MINDY4: variants seen among roughly 807,000 people sequenced by gnomAD.
MINDY4 encodes probable ubiquitin carboxyl-terminal hydrolase MINDY-4.
A neutral mutation model predicts 87.0 loss-of-function variants in MINDY4; 68 were observed. That is an observed-to-expected ratio of 0.78 (90% CI 0.64 to 0.96). MINDY4 has a LOEUF of 0.96. Ranked by LOEUF, MINDY4 falls within the 40% of genes least tolerant of loss-of-function variation. The probability of loss-of-function intolerance (pLI) is 0.00; values close to 1 mark genes in which losing one functional copy is unlikely to be tolerated. For synonymous variants in MINDY4, 379 were observed against 363.2 expected, an observed-to-expected ratio of 1.04 and a Z score of -0.50; for missense variants, 919 against 928.2, an observed-to-expected ratio of 0.99 and a Z score of 0.13.
intron 14 of MINDY4, among the ~76,000 whole-genome samples, chr7:30,875,240 G>A (rs187679422): frequency 6.6e-6 from 1 of 152,242 alleles, no homozygotes; most frequent in East Asian, 1.9e-4. Flanking sequence ...ACAGGGTCCT[G>A]TGAATGGTTG....
intron 1 of MINDY4, among the ~76,000 whole-genome samples, chr7:30,774,299 G>T (rs142542679): frequency 2.5e-4 from 38 of 152,308 alleles, no homozygotes; most frequent in African/African-American, 7.7e-4. Flanking sequence ...CATTCACTCT[G>T]CTCTCTTTAG....
chr7:30,824,109 TG>T (rs1788424279), intron 5 of MINDY4, among the ~76,000 whole-genome samples: 1 of 152,202 alleles, frequency 6.6e-6, no homozygotes, highest in African/African-American at 2.4e-5. Context: ...CTGAGTAGTT[TG>T]TAAGGAAACA....
intron 4 of MINDY4, among the ~76,000 whole-genome samples, chr7:30,787,277 T>G (rs976055750): frequency 6.6e-6 from 1 of 152,202 alleles, no homozygotes; most frequent in South Asian, 2.1e-4. Context: ...GGCCACATCT[T>G]GATGTCATAC....
chr7:30,823,677 A>G (rs1456914132), intron 5 of MINDY4, among the ~76,000 whole-genome samples: 2 of 152,166 alleles, frequency 1.3e-5, no homozygotes, highest in African/African-American at 4.8e-5. Flanking sequence ...TCTAATTTAC[A>G]GCCTCTCTGA....
At chr7:30,873,782 A>G (rs900885291) in intron 14 of MINDY4, among the ~76,000 whole-genome samples, 1 of 152,024 alleles carries the variant, frequency 6.6e-6, no homozygotes, top group Admixed American at 6.5e-5. Flanking sequence ...CTCTTGAAAA[A>G]CCAGATGGGA....
At chr7:30,782,369 T>A (rs1405702810) in intron 3 of MINDY4, among the ~76,000 whole-genome samples, 157 bp downstream of exon 3, 1 of 146,466 alleles carries the variant, frequency 6.8e-6, no homozygotes, top group Admixed American at 6.9e-5. Flanking sequence ...TGTGTGTGTG[T>A]GTGCATGTAT....
At chr7:30,862,461 G>A (rs547657154) in intron 13 of MINDY4, among the ~76,000 whole-genome samples, 40 of 152,342 alleles carry the variant, frequency 2.6e-4, no homozygotes, top group African/African-American at 8.9e-4. Flanking sequence ...GCACTCCAGC[G>A]GCGCTCCCTG....
chr7:30,865,863 T>C (rs62449124), intron 13 of MINDY4, among the ~76,000 whole-genome samples: 8,029 of 152,312 alleles, frequency 0.053, 345 homozygotes, highest in Middle Eastern at 0.075. Flanking sequence ...TCGTCTTCCC[T>C]GGACTGTGGG....
rs768342580 is a variant in MINDY4 at position 30,859,246 on chromosome 7, C to G, written c.1678-11C>G. 6.2e-7 allele frequency: 1 copy of G among 1,610,572 alleles called. No homozygotes were observed. The highest frequency in any genetic ancestry group is 1.1e-5 in the South Asian group (1 of 91,068). ...AATGGGATGGAGCTCATTTTTCTCT[C>G]CCCCTCCCAGTTTGAAGTGGGCCCC... On this transcript the variant is annotated splice_polypyrimidine_tract_variant and intron_variant, in intron 12 of 17. Transcript: ENST00000265299.
chr7:30,801,767 C>T (rs1349752589), intron 5 of MINDY4, among the ~76,000 whole-genome samples: 1 of 152,130 alleles, frequency 6.6e-6, no homozygotes, highest in Admixed American at 6.5e-5. Context: ...TGATCTGATG[C>T]GTCTGCAGAG....
Position 30,791,717 on chromosome 7 carries a change from AG to A in MINDY4, c.1073+144del, listed in dbSNP as rs1787330005. ...GCCTGCGAAGTAACCGGCAAGGTAGAGTTTGTTATGGTCAACCAGGAAGAAA... is the reference window on the plus strand; with the variant it reads ...GCCTGCGAAGTAACCGGCAAGGTAGATTTGTTATGGTCAACCAGGAAGAAA... On this transcript the variant is annotated intron_variant, in intron 5 of 17. Coordinates refer to ENST00000265299, the MANE Select transcript of MINDY4 (RefSeq NM_032222.3). 5 of 904,650 alleles carry A rather than the reference AG, an allele frequency of 5.5e-6. No individual in the cohort carries two copies. In the East Asian group the frequency reaches 1.1e-4, roughly 19 times the overall value. The allele number at this position is 904,650 out of a possible 1,614,324, so 56.0% of individuals were successfully genotyped here.
chr7:30,876,093 C>T (rs749533361), intron 15 of MINDY4, among the ~76,000 whole-genome samples: 11 of 152,010 alleles, frequency 7.2e-5, no homozygotes, highest in Non-Finnish European at 1.3e-4. Context: ...GCTGGAAGTC[C>T]AAGATCAAGG....
intron 5 of MINDY4, among the ~76,000 whole-genome samples, chr7:30,814,096 G>A (rs1285760937): frequency 3.3e-5 from 5 of 152,334 alleles, no homozygotes; most frequent in Admixed American, 3.3e-4. Context: ...AGGTTCAGAA[G>A]CAGAGTCAGA....
intron 12 of MINDY4, chr7:30,858,603 A>G (rs1374150850): frequency 6.6e-6 from 1 of 152,112 alleles, no homozygotes; most frequent in African/African-American, 2.4e-5. Flanking sequence ...ATCAGAGTTT[A>G]TCAGAAAAAT....
intron 5 of MINDY4, among the ~76,000 whole-genome samples, chr7:30,820,715 T>C (rs946687726): frequency 2.0e-5 from 3 of 152,246 alleles, no homozygotes; most frequent in East Asian, 1.9e-4. Context: ...TGTATGGATA[T>C]ATAACATTTT....
At chr7:30,841,155 C>T (rs1257675717) in intron 9 of MINDY4, among the ~76,000 whole-genome samples, 3 of 152,220 alleles carry the variant, frequency 2.0e-5, no homozygotes, top group Non-Finnish European at 2.9e-5. Flanking sequence ...CTTCCACCCA[C>T]CAGGTCGACC....
At chr7:30,816,113 G>A (rs1286787877) in intron 5 of MINDY4, among the ~76,000 whole-genome samples, 1 of 151,904 alleles carries the variant, frequency 6.6e-6, no homozygotes, top group Non-Finnish European at 1.5e-5. Context: ...TGGATGAGCT[G>A]TATCTAGGTG....
At chr7:30,828,438 G>A (rs1285640411) in intron 5 of MINDY4, among the ~76,000 whole-genome samples, 2 of 152,110 alleles carry the variant, frequency 1.3e-5, no homozygotes, top group African/African-American at 4.8e-5. Context: ...ATCCTGTATT[G>A]GCTGGTGTAT....
At chr7:30,852,709 A>T (rs1398725709) in intron 11 of MINDY4, among the ~76,000 whole-genome samples, 1 of 152,246 alleles carries the variant, frequency 6.6e-6, no homozygotes, top group African/African-American at 2.4e-5. Flanking sequence ...ATAAAGCCAG[A>T]TCTAAGTCAT....
Sources: allele counts gnomAD v4.1 joint callset (sites outside exome capture counted in the v4.1 genomes callset), GRCh38; gene constraint gnomAD v4.1.1; transcripts MANE v1.5; gene names NCBI Gene and HGNC (gene_info 2026-07-23, HGNC 2026-07-21).